CBFA2T3: variants seen among roughly 807,000 people sequenced by gnomAD.
The protein encoded by CBFA2T3 is transcriptional corepressor CBFA2T3.
Under a neutral mutation model 58.6 loss-of-function variants are expected in CBFA2T3, and 31 were observed. That is an observed-to-expected ratio of 0.53 (90% confidence interval 0.40 to 0.71). The LOEUF (loss-of-function observed/expected upper bound fraction) is 0.71, where lower values mean the gene tolerates loss of function less well. Ranked by LOEUF, CBFA2T3 falls within the 30% of genes least tolerant of loss-of-function variation. The pLI is 0.00. For synonymous variants in CBFA2T3, 531 were observed against 421.9 expected (o/e 1.26, Z -3.17); for missense variants, 1,076 against 963.1 (o/e 1.12, Z -1.55).
chr16:88,959,131 C>T (rs569943790), intron 1 of CBFA2T3, among the ~76,000 whole-genome samples: 6 of 152,316 alleles, frequency 3.9e-5, no homozygotes, highest in East Asian at 1.9e-4. Flanking sequence ...CTGATTGACG[C>T]GCTGAATCGT....
At chr16:88,924,429 G>A (rs981130690) in intron 1 of CBFA2T3, among the ~76,000 whole-genome samples, 2 of 152,176 alleles carry the variant, frequency 1.3e-5, no homozygotes, top group Non-Finnish European at 2.9e-5. Context: ...CAGGAAGGTG[G>A]GGAACGAGGC....
chr16:88,929,330 G>C (rs772929800), intron 1 of CBFA2T3, among the ~76,000 whole-genome samples: 13 of 152,224 alleles, frequency 8.5e-5, no homozygotes, highest in Admixed American at 8.5e-4. Context: ...GAGAGGCGTG[G>C]TGAGGGCTGC....
intron 1 of CBFA2T3, among the ~76,000 whole-genome samples, chr16:88,929,614 A>C (rs1285891990): frequency 6.6e-6 from 1 of 151,994 alleles, no homozygotes; most frequent in Non-Finnish European, 1.5e-5. Context: ...ACCAATACCC[A>C]CATCTGCATC....
intron 1 of CBFA2T3, among the ~76,000 whole-genome samples, chr16:88,971,620 C>T (rs1363159057): frequency 6.6e-6 from 1 of 152,248 alleles, no homozygotes; most frequent in Non-Finnish European, 1.5e-5. Context: ...TTGGCGCCTG[C>T]TGCAGGCCGG....
At chr16:88,935,982 C>T (rs913828250) in intron 1 of CBFA2T3, among the ~76,000 whole-genome samples, 1 of 152,180 alleles carries the variant, frequency 6.6e-6, no homozygotes, top group African/African-American at 2.4e-5. Flanking sequence ...GGCTGCCCAT[C>T]CCCCTCCCCG....
chr16:88,920,301 G>C (rs958222957), intron 1 of CBFA2T3, among the ~76,000 whole-genome samples: 1 of 152,202 alleles, frequency 6.6e-6, no homozygotes, highest in African/African-American at 2.4e-5. Context: ...TTTTGAGATG[G>C]AGTCTCGCTC....
chr16:88,879,689 G>A (rs552965687), intron 10 of CBFA2T3: 18 of 513,026 alleles, frequency 3.5e-5, no homozygotes, highest in East Asian at 5.9e-5. Flanking sequence ...GCAGACAAGT[G>A]CATGCAAATA....
intron 1 of CBFA2T3, among the ~76,000 whole-genome samples, chr16:88,956,294 G>T (rs1411422539): frequency 6.6e-6 from 1 of 152,276 alleles, no homozygotes; most frequent in Non-Finnish European, 1.5e-5. Context: ...AGAACCCCAC[G>T]CACACGGAGC....
intron 5 of CBFA2T3, among the ~76,000 whole-genome samples, chr16:88,887,504 G>C (rs2142562428): frequency 6.6e-6 from 1 of 152,250 alleles, no homozygotes; most frequent in East Asian, 1.9e-4. Flanking sequence ...GCATCCCCCA[G>C]CTTCTGGAAG....
intron 1 of CBFA2T3, among the ~76,000 whole-genome samples, chr16:88,945,702 T>C (rs1971883762): frequency 6.6e-6 from 1 of 152,188 alleles, no homozygotes; most frequent in Non-Finnish European, 1.5e-5. Flanking sequence ...CAACAGGAGC[T>C]GTCATTCATT....
chr16:88,916,265 G>A (rs985223537), intron 1 of CBFA2T3, among the ~76,000 whole-genome samples: 5 of 140,472 alleles, frequency 3.6e-5, no homozygotes, highest in Admixed American at 2.1e-4. Context: ...CGTGTGCATG[G>A]CTGTGTCTGT....
At chr16:88,966,161 G>A (rs906364990) in intron 1 of CBFA2T3, among the ~76,000 whole-genome samples, 4 of 152,340 alleles carry the variant, frequency 2.6e-5, no homozygotes, top group South Asian at 2.1e-4. Context: ...TGCTCTGAGG[G>A]TCACTCTGCT....
At chr16:88,883,454 G>A (rs1428626262) in intron 7 of CBFA2T3, 1 of 153,588 alleles carries the variant, frequency 6.5e-6, no homozygotes, top group Non-Finnish European at 1.4e-5. Context: ...ATTCGGGGTT[G>A]TTCTCTGCTC....
At chr16:88,976,630 C>T (rs761310935) in intron 1 of CBFA2T3, 27 bp downstream of exon 1, 9 of 1,525,624 alleles carry the variant, frequency 5.9e-6, no homozygotes, top group Non-Finnish European at 8.0e-6. Context: ...TGCCCCCACC[C>T]CACCACCTTC....
At chr16:88,952,148 A>C in intron 1 of CBFA2T3, among the ~76,000 whole-genome samples, 1 of 152,088 alleles carries the variant, frequency 6.6e-6, no homozygotes, top group East Asian at 1.9e-4. Context: ...GCTACTATGC[A>C]GAGACAGAGA....
intron 1 of CBFA2T3, among the ~76,000 whole-genome samples, chr16:88,975,522 G>A (rs1972833848): frequency 6.6e-6 from 1 of 152,254 alleles, no homozygotes; most frequent in African/African-American, 2.4e-5. Context: ...AGGCCACTCA[G>A]CGCCAGGGGA....
chr16:88,964,038 G>A (rs1279895384), intron 1 of CBFA2T3, among the ~76,000 whole-genome samples: 1 of 152,256 alleles, frequency 6.6e-6, no homozygotes, highest in East Asian at 1.9e-4. Flanking sequence ...CACCTGTGAG[G>A]TAGGTGGCAC....
intron 3 of CBFA2T3, among the ~76,000 whole-genome samples, chr16:88,892,929 G>A (rs1342269658): frequency 6.6e-6 from 1 of 152,204 alleles, no homozygotes; most frequent in Non-Finnish European, 1.5e-5. Context: ...CCCAGCAGGG[G>A]TGCGGCCCCT....
rs777663068 is a variant in CBFA2T3 at position 88,901,589 on chromosome 16, G to C, written c.219C>G (p.Pro73=). ...GCGGCATGCTGGGGGGTGTGGACCG[G>C]GGCTGCGTCTTCACCTCCGCTGGGG... The part of the protein sequence containing the change: ...PDSPAEVKTQ[P]RSTPPSMPPP... Residue 73 remains proline, a synonymous_variant, in exon 2 of 12, where the codon CCC becomes CCG. Transcript: ENST00000268679. The C allele has an allele frequency of 4.6e-6, 7 of 1,515,574 alleles. No homozygotes were observed. The South Asian group carries it at 9.3e-5, about 20-fold the overall frequency. 93.9% of individuals were successfully genotyped at this position (1,515,574 alleles called of 1,614,324 possible). A position where few individuals can be genotyped will look rare whatever the true frequency, so the allele number is the denominator to read the frequency against.
Sources: gnomAD v4.1 joint callset for allele counts (sites outside exome capture counted in the v4.1 genomes callset) on GRCh38, gnomAD v4.1.1 for gene constraint, MANE v1.5 for transcripts, NCBI Gene and HGNC (gene_info 2026-07-23, HGNC 2026-07-21) for gene names.